Variants in ACYP2 observed in about 807,000 individuals in gnomAD.
ACYP2 encodes the protein acylphosphatase 2, also known as acylphosphatase-2.
A neutral mutation model predicts 11.2 loss-of-function variants in ACYP2; 12 were observed. The observed-to-expected ratio is 1.08, with a 90% CI of 0.69 to 1.74. ACYP2 has a LOEUF of 1.74. ACYP2 is among the 40% of genes most tolerant of loss of function. ACYP2 has a pLI of 0.00. For missense variants in ACYP2, 134 were observed against 101.9 expected (o/e 1.31, Z -1.35); for synonymous variants, 43 against 32.2 (o/e 1.33, Z -1.13).
intron 4 of ACYP2, among the ~76,000 whole-genome samples, chr2:54,075,991 A>G (rs553854131): frequency 2.0e-5 from 3 of 152,328 alleles, no homozygotes; most frequent in South Asian, 2.1e-4. Context: ...GTTTTGCATT[A>G]TAAAAAGTGT....
chr2:54,255,051 C>T (rs1453563318), intron 6 of ACYP2: 1 of 1,614,040 alleles, frequency 6.2e-7, no homozygotes, highest in Non-Finnish European at 8.5e-7. Context: ...CTTTAATAAT[C>T]TGAGCAATCC....
intron 6 of ACYP2, among the ~76,000 whole-genome samples, chr2:54,201,175 G>A (rs1270733188): frequency 2.0e-5 from 3 of 150,408 alleles, no homozygotes; most frequent in Admixed American, 6.6e-5. Flanking sequence ...GCGCAATCTC[G>A]GCTCACTGCA....
Position 54,193,366 on chromosome 2 carries a change from G to A in ACYP2, c.404+54618G>A, listed in dbSNP as rs11689088. 2.5e-3 allele frequency among the ~76,000 whole-genome samples: 381 copies of A among 152,218 alleles called. 3 individuals are homozygous for A. Among genetic ancestry groups the A allele is most frequent in the Non-Finnish European group, 3.9e-3 (268 of 68,028 alleles). The stretch of plus-strand genomic sequence containing the variant: ...AAAATGGAAATGATGATCAAACTTC[G>A]TTGATAGAAGGAAATGTAAGTTTAG... On this transcript the variant is annotated intron_variant, in intron 6 of 6. Coordinates refer to ENST00000607452, the MANE Select transcript of ACYP2 (RefSeq NM_001320586.2).
intron 6 of ACYP2, among the ~76,000 whole-genome samples, chr2:54,193,470 C>T (rs1042911879): frequency 4.6e-5 from 7 of 152,152 alleles, no homozygotes; most frequent in African/African-American, 1.7e-4. Context: ...GCTGACTCTA[C>T]CCTCCATCTG....
chr2:54,275,252 T>C (rs1433479617), intron 6 of ACYP2, among the ~76,000 whole-genome samples: 2 of 152,224 alleles, frequency 1.3e-5, no homozygotes, highest in Non-Finnish European at 2.9e-5. Flanking sequence ...AACTATCATT[T>C]CTAAAGCAGC....
intron 2 of ACYP2, among the ~76,000 whole-genome samples, chr2:54,023,198 A>G (rs1189046276): frequency 6.6e-6 from 1 of 152,078 alleles, no homozygotes; most frequent in Non-Finnish European, 1.5e-5. Flanking sequence ...GTTGTTGATC[A>G]TTTCATTTTA....
chr2:54,246,467 TTAAG>T (rs1354806914), intron 6 of ACYP2, among the ~76,000 whole-genome samples: 1 of 152,166 alleles, frequency 6.6e-6, no homozygotes, highest in East Asian at 1.9e-4. Context: ...AAGCTTTTTC[TTAAG>T]TATTTCATCT....
At chr2:54,002,736 G>A (rs1321425789) in intron 2 of ACYP2, among the ~76,000 whole-genome samples, 2 of 149,416 alleles carry the variant, frequency 1.3e-5, no homozygotes, top group Non-Finnish European at 3.0e-5. Context: ...ACCACAACCT[G>A]TGCCTCCCAG....
chr2:54,070,307 A>G (rs1319602073), intron 4 of ACYP2, among the ~76,000 whole-genome samples: 3 of 152,122 alleles, frequency 2.0e-5, no homozygotes, highest in African/African-American at 7.2e-5. Flanking sequence ...GAAAAAATAC[A>G]TGTGGAATCT....
rs552980412 is a variant in ACYP2 at position 54,187,897 on chromosome 2, C to T, written c.404+49149C>T. Among the ~76,000 whole-genome samples the T allele has an allele frequency of 1.9e-4, 29 of 152,246 alleles. 1 individual carries two copies. The South Asian group carries it at 3.9e-3, about 21-fold the overall frequency. On this transcript the variant is annotated intron_variant, in intron 6 of 6. Transcript: ENST00000607452. ...TGGGATCCTCACTGATGGATAATGC[C>T]GCTATGAAAAGGGTGTGTGGGAATG... is the stretch of plus-strand genomic sequence containing the variant.
chr2:54,256,425 C>T (rs1190458642), intron 6 of ACYP2, among the ~76,000 whole-genome samples: 1 of 152,160 alleles, frequency 6.6e-6, no homozygotes, highest in African/African-American at 2.4e-5. Flanking sequence ...GTCTAATGAG[C>T]TGAGAACCTT....
At chr2:54,031,859 C>T (rs1466536210) in intron 2 of ACYP2, among the ~76,000 whole-genome samples, 1 of 152,172 alleles carries the variant, frequency 6.6e-6, no homozygotes, top group Admixed American at 6.5e-5. Flanking sequence ...TTTTGATTTG[C>T]ATTTATCTGA....
chr2:54,202,804 C>T (rs900383246), intron 6 of ACYP2, among the ~76,000 whole-genome samples: 5 of 130,110 alleles, frequency 3.8e-5, no homozygotes, highest in Non-Finnish European at 6.2e-5. Flanking sequence ...CTCAAGTGAT[C>T]CTTCCAAGGA....
chr2:54,012,543 G>C (rs1673430801), intron 2 of ACYP2, among the ~76,000 whole-genome samples: 1 of 152,110 alleles, frequency 6.6e-6, no homozygotes, highest in Non-Finnish European at 1.5e-5. Flanking sequence ...AAAGCATTTT[G>C]TATTTGTCTC....
chr2:54,227,920 C>T (rs843764), intron 6 of ACYP2, among the ~76,000 whole-genome samples: 75,073 of 152,008 alleles, frequency 0.49, 19,040 homozygotes, highest in East Asian at 0.66. Context: ...ATATTTTGGC[C>T]TGATTTTACA....
At chr2:53,975,396 G>A in intron 2 of ACYP2, 1 of 396,598 alleles carries the variant, frequency 2.5e-6, no homozygotes, top group Non-Finnish European at 4.4e-6. Flanking sequence ...TTCCCAGTGA[G>A]AAAGTTAGAA....
At chr2:54,027,731 A>G (rs1422949515) in intron 2 of ACYP2, among the ~76,000 whole-genome samples, 3 of 151,978 alleles carry the variant, frequency 2.0e-5, no homozygotes, top group Admixed American at 2.0e-4. Context: ...ATAAAAGTCC[A>G]TACTTTATTC....
intron 6 of ACYP2, among the ~76,000 whole-genome samples, chr2:54,179,939 C>T (rs1243865631): frequency 2.0e-5 from 3 of 152,150 alleles, no homozygotes; most frequent in African/African-American, 7.2e-5. Flanking sequence ...GGCTCAGTCC[C>T]CAAGGTTCCC....
At chr2:54,255,198 G>A (rs765141181) in intron 6 of ACYP2, 14 of 1,614,072 alleles carry the variant, frequency 8.7e-6, no homozygotes, top group Admixed American at 6.7e-5. Context: ...CCACTTGGCC[G>A]AAGGATCTGA....
Sources: allele counts gnomAD v4.1 joint callset (sites outside exome capture counted in the v4.1 genomes callset), GRCh38; gene constraint gnomAD v4.1.1; transcripts MANE v1.5; gene names NCBI Gene and HGNC (gene_info 2026-07-23, HGNC 2026-07-21).